B3GALT1: variants seen among roughly 807,000 people sequenced by gnomAD.
B3GALT1 encodes beta-1,3-galactosyltransferase 1, also known as UDP-Gal:betaGlcNAc beta 1,3-galactosyltransferase, polypeptide 1.
A neutral mutation model predicts 23.2 loss-of-function variants in B3GALT1; 10 were observed. That is an observed-to-expected ratio of 0.43 (90% CI 0.27 to 0.73). The LOEUF (loss-of-function observed/expected upper bound fraction) is 0.73. B3GALT1 is among the 30% of genes least tolerant of loss of function. The pLI, the probability that B3GALT1 is intolerant of heterozygous loss-of-function variation, is 0.21. For missense variants in B3GALT1, 299 were observed against 405.4 expected (o/e 0.74, Z 2.25); for synonymous variants, 156 against 141.5 (o/e 1.10, Z -0.73).
intron 1 of B3GALT1, among the ~76,000 whole-genome samples, chr2:167,391,476 A>G (rs1698013895): frequency 6.6e-6 from 1 of 152,220 alleles, no homozygotes; most frequent in African/African-American, 2.4e-5. Flanking sequence ...TATATGAATC[A>G]TGGGAATAAC....
intron 3 of B3GALT1, among the ~76,000 whole-genome samples, chr2:167,653,452 T>C (rs1685900475): frequency 6.6e-6 from 1 of 152,186 alleles, no homozygotes; most frequent in African/African-American, 2.4e-5. Context: ...TTTTAATAAG[T>C]AGCTTCACTC....
chr2:167,370,103 T>G (rs535609323), intron 1 of B3GALT1, among the ~76,000 whole-genome samples: 1 of 152,192 alleles, frequency 6.6e-6, no homozygotes, highest in Non-Finnish European at 1.5e-5. Flanking sequence ...TTTTTTTAAG[T>G]CAGAGTTTCT....
At chr2:167,383,831 A>G (rs1413413554) in intron 1 of B3GALT1, among the ~76,000 whole-genome samples, 1 of 152,236 alleles carries the variant, frequency 6.6e-6, no homozygotes, top group Non-Finnish European at 1.5e-5. Flanking sequence ...GACATTGTCA[A>G]AGTTTTTCTC....
chr2:167,802,720 T>C (rs1348694935), intron 3 of B3GALT1, among the ~76,000 whole-genome samples: 3 of 152,166 alleles, frequency 2.0e-5, no homozygotes, highest in African/African-American at 7.2e-5. Context: ...CTTGTTACAA[T>C]TATTTTATTA....
intron 1 of B3GALT1, among the ~76,000 whole-genome samples, chr2:167,298,216 C>G (rs1354481543): frequency 6.6e-6 from 1 of 152,080 alleles, no homozygotes; most frequent in Admixed American, 6.5e-5. Flanking sequence ...GCAACTTCCT[C>G]TATGTGTAAG....
intron 3 of B3GALT1, among the ~76,000 whole-genome samples, chr2:167,660,082 T>C (rs1285905979): frequency 2.0e-5 from 3 of 152,126 alleles, no homozygotes; most frequent in African/African-American, 4.8e-5. Flanking sequence ...TGCCAATTTG[T>C]AAACTAGGTG....
intron 3 of B3GALT1, among the ~76,000 whole-genome samples, chr2:167,746,838 G>C (rs146783868): frequency 1.1e-4 from 16 of 152,240 alleles, no homozygotes; most frequent in African/African-American, 3.6e-4. Flanking sequence ...GAATCAATCT[G>C]TTTTTTCATT....
chr2:167,783,193 G>A (rs758523868), intron 3 of B3GALT1, among the ~76,000 whole-genome samples: 5 of 151,076 alleles, frequency 3.3e-5, no homozygotes, highest in African/African-American at 4.9e-5. Context: ...AGAATAAAGA[G>A]GTATTTAAAA....
intron 1 of B3GALT1, among the ~76,000 whole-genome samples, chr2:167,302,984 A>G (rs1257964877): frequency 6.6e-6 from 1 of 152,242 alleles, no homozygotes; most frequent in Non-Finnish European, 1.5e-5. Flanking sequence ...TTATCTTGTA[A>G]TATATTTTTG....
chr2:167,451,552 G>C lies in B3GALT1; in HGVS notation c.-510-38625G>C, dbSNP rs139060824. ...CAGAGTCCTGTGCTGTGAACCATCT[G>C]CAGGTCTCTCAGCCATGGATGTCAG... On this transcript the variant is annotated intron_variant, in intron 1 of 4. Coordinates refer to ENST00000392690, the MANE Select transcript of B3GALT1 (RefSeq NM_020981.4). Among the ~76,000 whole-genome samples the C allele has an allele frequency of 1.8e-4, 27 of 152,282 alleles. 1 individual carries two copies. Among genetic ancestry groups the C allele is most frequent in the African/African-American group, 5.8e-4 (24 of 41,562 alleles).
intron 2 of B3GALT1, among the ~76,000 whole-genome samples, chr2:167,506,472 A>T (rs898574766): frequency 2.6e-5 from 4 of 152,266 alleles, no homozygotes; most frequent in Admixed American, 2.6e-4. Flanking sequence ...GTGAATGCTT[A>T]GGGAAAAGTG....
intron 2 of B3GALT1, among the ~76,000 whole-genome samples, chr2:167,556,496 C>G (rs1233362522): frequency 1.3e-5 from 2 of 152,116 alleles, no homozygotes; most frequent in Admixed American, 6.5e-5. Flanking sequence ...GATTAAGTAA[C>G]ATGAGGAAGC....
At chr2:167,704,426 T>A (rs1686938907) in intron 3 of B3GALT1, among the ~76,000 whole-genome samples, 1 of 152,112 alleles carries the variant, frequency 6.6e-6, no homozygotes, top group Non-Finnish European at 1.5e-5. Flanking sequence ...CTAGAGATCA[T>A]CTAACCTTCC....
At chr2:167,512,567 T>TAA (rs374423893) in intron 2 of B3GALT1, among the ~76,000 whole-genome samples, 1 of 79,942 alleles carries the variant, frequency 1.3e-5, no homozygotes. Flanking sequence ...TATATATATA[T>TAA]GTATATATAT....
At chr2:167,766,861 A>G (rs943778093) in intron 3 of B3GALT1, among the ~76,000 whole-genome samples, 1 of 152,196 alleles carries the variant, frequency 6.6e-6, no homozygotes, top group Admixed American at 6.5e-5. Context: ...AAAGTCAACA[A>G]AAAAGTGCCT....
rs1166946113 is a variant in B3GALT1, at chr2:167,451,516, G to A, written c.-510-38661G>A. On this transcript the variant is annotated intron_variant, in intron 1 of 4. Coordinates refer to ENST00000392690, the MANE Select transcript of B3GALT1 (RefSeq NM_020981.4). ...TGCCAGGCTCCAGGCTGGTACTGGG[G>A]GTTGTCTGCACAGAGTCCTGTGCTG... Among the ~76,000 whole-genome samples, 5 of 152,256 alleles carry A rather than the reference G, an allele frequency of 3.3e-5. No individual in the cohort carries two copies. In the East Asian group the frequency reaches 9.7e-4, roughly 29 times the overall value.
At chr2:167,804,153 C>A (rs1456682948) in intron 3 of B3GALT1, among the ~76,000 whole-genome samples, 1 of 151,972 alleles carries the variant, frequency 6.6e-6, no homozygotes, top group Non-Finnish European at 1.5e-5. Context: ...CCACGTCCAG[C>A]TGATTTTTGT....
At chr2:167,868,715 C>A (rs2105443870) in intron 4 of B3GALT1, among the ~76,000 whole-genome samples, 96 bp from the exon 5 acceptor site, 1 of 152,214 alleles carries the variant, frequency 6.6e-6, no homozygotes, top group Admixed American at 6.5e-5. Flanking sequence ...GTATTTTAAT[C>A]CTTGAGGGCA....
intron 1 of B3GALT1, among the ~76,000 whole-genome samples, chr2:167,369,774 C>T (rs1233903854): frequency 3.3e-5 from 5 of 152,096 alleles, no homozygotes; most frequent in Admixed American, 6.5e-5. Flanking sequence ...TAAGTATAAT[C>T]GTGGTTATGA....
Sources: gnomAD v4.1 joint callset for allele counts (sites outside exome capture counted in the v4.1 genomes callset) on GRCh38, gnomAD v4.1.1 for gene constraint, MANE v1.5 for transcripts, NCBI Gene and HGNC (gene_info 2026-07-23, HGNC 2026-07-21) for gene names.